SVEP1: variants seen among roughly 807,000 people sequenced by gnomAD.
The protein encoded by SVEP1 is sushi, von Willebrand factor type A, EGF and pentraxin domain-containing protein 1.
SVEP1 carries 164 observed loss-of-function variants against 367.3 expected under a neutral mutation model. The observed-to-expected ratio is 0.45, with a 90% CI of 0.39 to 0.51. The LOEUF (loss-of-function observed/expected upper bound fraction) is 0.51, where lower values mean the gene tolerates loss of function less well. SVEP1 is among the 20% of genes least tolerant of loss of function. The pLI is 0.00. For missense variants in SVEP1, 4,117 were observed against 4,425.3 expected (o/e 0.93, Z 1.98); for synonymous variants, 1,666 against 1,611.6 (o/e 1.03, Z -0.81).
At chr9:110,507,377 AT>A (rs988056771) in intron 5 of SVEP1, among the ~76,000 whole-genome samples, 1 of 152,238 alleles carries the variant, frequency 6.6e-6, no homozygotes, top group Non-Finnish European at 1.5e-5. Context: ...TGGGGGCAAA[AT>A]GTTCAAGTGC....
intron 27 of SVEP1, among the ~76,000 whole-genome samples, chr9:110,438,956 G>A (rs1376530708): frequency 1.3e-5 from 2 of 152,064 alleles, no homozygotes; most frequent in African/African-American, 4.8e-5. Flanking sequence ...TCAGTATGTC[G>A]AAAACCATAT....
chr9:110,415,100 T>TA (rs1828099804), intron 36 of SVEP1, among the ~76,000 whole-genome samples: 1 of 152,046 alleles, frequency 6.6e-6, no homozygotes, highest in Non-Finnish European at 1.5e-5. Context: ...ATAAAAGGTT[T>TA]AAAAAAGATA....
Position 110,408,064 on chromosome 9 carries a change from C to T in SVEP1, c.7536G>A (p.Thr2512=), listed in dbSNP as rs534139604. ...TAACGGTCTGTCCATAGTGTAGGTC[C>T]GTGTAAGAGAATTTGCCATTCAAAA... The part of the protein sequence containing the change: ...KEILNGKFSY[T]DLHYGQTVTY... Residue 2512 remains threonine, a synonymous_variant, in exon 38 of 48, where the codon ACG becomes ACA. Coordinates refer to ENST00000374469, the MANE Select transcript of SVEP1 (RefSeq NM_153366.4). The T allele has an allele frequency of 2.7e-5, 44 of 1,612,142 alleles. No individual in the cohort carries two copies. Among genetic ancestry groups the T allele is most frequent in the South Asian group, 8.8e-5 (8 of 90,826 alleles).
chr9:110,415,659 G>A (rs1041757908), intron 36 of SVEP1, among the ~76,000 whole-genome samples: 2 of 151,920 alleles, frequency 1.3e-5, no homozygotes, highest in Non-Finnish European at 1.5e-5. Flanking sequence ...AGTAAAGAGA[G>A]ATAAGATGAG....
chr9:110,373,169 C>T (rs1378000052), intron 46 of SVEP1, among the ~76,000 whole-genome samples: 1 of 152,084 alleles, frequency 6.6e-6, no homozygotes, highest in Non-Finnish European at 1.5e-5. Flanking sequence ...AAAAGCAGAG[C>T]TTGTTTATAG....
At position 110,427,712 on chromosome 9, in the gene SVEP1, C is replaced by T; in HGVS notation, c.5854G>A (p.Asp1952Asn). The T allele has an allele frequency of 6.2e-7, 1 of 1,613,722 alleles. No individual in the cohort carries two copies. Among genetic ancestry groups the T allele is most frequent in the Non-Finnish European group, 8.5e-7 (1 of 1,179,776 alleles). ...AGGTGACAGGCAGGTGGCGCTCTGT[C>T]CCAGATGCCAGAAGCCGTGCATTCA... is the stretch of plus-strand genomic sequence containing the variant. ...IIECTASGIW[D>N]RAPPACHLVF... The change falls in exon 36 of 48, where the codon GAC becomes AAC. Residue 1952 changes from aspartate to asparagine, a missense_variant. By Grantham distance (23) the Asp-to-Asn change is conservative. Coordinates refer to ENST00000374469, the MANE Select transcript of SVEP1 (RefSeq NM_153366.4).
At chr9:110,571,488 G>A (rs115113862) in intron 1 of SVEP1, among the ~76,000 whole-genome samples, 27 of 152,280 alleles carry the variant, frequency 1.8e-4, no homozygotes, top group East Asian at 5.8e-4. Context: ...CTGAGACCAT[G>A]AGGTGACCTG....
In SVEP1 at chr9:110,396,290, T is replaced by C. The variant is rs1827757735; in HGVS notation, c.9822+4564A>G. Among the ~76,000 whole-genome samples the C allele has an allele frequency of 2.0e-5, 3 of 150,584 alleles. No homozygotes were observed. The South Asian group carries it at 6.3e-4, about 32-fold the overall frequency. ...ATGAAGGCAGAAATAAAGATGTTCT[T>C]TGAAACCAATGAGAACAAAGACACA... On this transcript the variant is annotated intron_variant, in intron 40 of 47. Transcript: ENST00000374469.
At chr9:110,535,321 G>C (rs1051474037) in intron 3 of SVEP1, among the ~76,000 whole-genome samples, 5 of 152,020 alleles carry the variant, frequency 3.3e-5, no homozygotes, top group African/African-American at 1.2e-4. Flanking sequence ...AAGATCAGAT[G>C]GTTGTAGGTG....
At chr9:110,482,855 A>G (rs752136509) in intron 10 of SVEP1, among the ~76,000 whole-genome samples, 1 of 152,110 alleles carries the variant, frequency 6.6e-6, no homozygotes, top group Non-Finnish European at 1.5e-5. Context: ...TCTCTTATTT[A>G]ATTTGAAGTT....
intron 26 of SVEP1, 102 bp from the exon 27 acceptor site, chr9:110,443,822 T>G (rs925476480): frequency 1.6e-5 from 17 of 1,034,200 alleles, no homozygotes; most frequent in Non-Finnish European, 1.8e-5. Context: ...TTTTTGTGGG[T>G]AAAGTACTTT....
chr9:110,411,853 A>G, intron 36 of SVEP1, 118 bp from the exon 37 acceptor site: 1 of 983,292 alleles, frequency 1.0e-6, no homozygotes, highest in Non-Finnish European at 1.4e-6. Context: ...CTTTAAAATA[A>G]TATTTCCTCT....
chr9:110,537,480 TAAAAATTAATTTCA>T (rs1251368326), intron 3 of SVEP1, among the ~76,000 whole-genome samples: 1 of 152,106 alleles, frequency 6.6e-6, no homozygotes, highest in Non-Finnish European at 1.5e-5. Context: ...ACAGAACATT[TAAAAATTAATTTCA>T]ATTTTTATCC....
chr9:110,434,257 T>C, intron 30 of SVEP1, 79 bp downstream of exon 30: 1 of 1,437,012 alleles, frequency 7.0e-7, no homozygotes, highest in South Asian at 1.4e-5. Context: ...ATTCACTCTT[T>C]GTCTAGCATT....
intron 42 of SVEP1, 106 bp from the exon 43 acceptor site, chr9:110,386,180 A>G (rs1265577214): frequency 8.0e-7 from 1 of 1,256,216 alleles, no homozygotes; most frequent in East Asian, 2.5e-5. Flanking sequence ...CTCAATAATG[A>G]TCATATAAGG....
At position 110,366,579 on chromosome 9, in the gene SVEP1, G is replaced by T; in HGVS notation, c.10695-19C>A. 7.9e-7 allele frequency: 1 copy of T among 1,258,220 alleles called. No homozygotes were observed. The highest frequency in any genetic ancestry group is 1.1e-6 in the Non-Finnish European group (1 of 919,808). 77.9% of individuals were successfully genotyped at this position (1,258,220 alleles called of 1,614,324 possible). On this transcript the variant is annotated intron_variant, in intron 47 of 47. Transcript: ENST00000374469. ...CCTTTTCCTGGAAAAAAAAAAAAAA[G>T]CAACCAAATAGATTCAAAAGAAAAA...
At chr9:110,564,983 G>A (rs897414296) in intron 1 of SVEP1, among the ~76,000 whole-genome samples, 2 of 151,978 alleles carry the variant, frequency 1.3e-5, no homozygotes, top group African/African-American at 4.8e-5. Context: ...AATATGCACT[G>A]GACATATAAA....
intron 24 of SVEP1, among the ~76,000 whole-genome samples, chr9:110,448,732 T>C (rs1173814576): frequency 6.6e-6 from 1 of 152,212 alleles, no homozygotes; most frequent in African/African-American, 2.4e-5. Flanking sequence ...AGGAAAGAGT[T>C]TAGAACTCTT....
At position 110,455,572 on chromosome 9, in the gene SVEP1, A is replaced by G; in HGVS notation, c.3787+18T>C. The stretch of plus-strand genomic sequence containing the variant: ...TTCAAAGATTTATATTGTTGAAAAC[A>G]GGAGACCTTCCCCTTACCTGTGTAA... On this transcript the variant is annotated intron_variant, in intron 22 of 47. Coordinates refer to ENST00000374469, the MANE Select transcript of SVEP1 (RefSeq NM_153366.4). 6.3e-7 allele frequency: 1 copy of G among 1,578,848 alleles called. No homozygotes were observed. Among genetic ancestry groups the G allele is most frequent in the Non-Finnish European group, 8.7e-7 (1 of 1,154,582 alleles).
Sources: gnomAD v4.1 joint callset for allele counts (sites outside exome capture counted in the v4.1 genomes callset) on GRCh38, gnomAD v4.1.1 for gene constraint, MANE v1.5 for transcripts, NCBI Gene and HGNC (gene_info 2026-07-23, HGNC 2026-07-21) for gene names.